The following GINS1 variants were observed in gnomAD, a reference collection of about 807,000 sequenced individuals.
GINS1 encodes the protein DNA replication complex GINS protein PSF1.
GINS1 carries 26 observed loss-of-function variants against 34.9 expected under a neutral mutation model. The observed-to-expected ratio is 0.74, with a 90% CI of 0.55 to 1.03. The LOEUF is 1.03. Ranked by LOEUF, GINS1 falls within the 50% of genes least tolerant of loss-of-function variation. GINS1 has a pLI of 0.00. For synonymous variants in GINS1, 97 were observed against 84.4 expected, an observed-to-expected ratio of 1.15 and a Z score of -0.82; for missense variants, 235 against 237.9, an observed-to-expected ratio of 0.99 and a Z score of 0.08.
intron 1 of GINS1, among the ~76,000 whole-genome samples, chr20:25,408,493 G>C (rs1205267839): frequency 6.6e-6 from 1 of 152,068 alleles, no homozygotes; most frequent in African/African-American, 2.4e-5. Context: ...ATGATTATTT[G>C]TATTTTTCTA....
intron 5 of GINS1, among the ~76,000 whole-genome samples, chr20:25,433,358 C>G (rs926128614): frequency 7.2e-5 from 11 of 151,950 alleles, no homozygotes; most frequent in Non-Finnish European, 1.2e-4. Flanking sequence ...CCTCATTACC[C>G]CCCACAGATA....
At chr20:25,426,121 T>G (rs2090389120) in intron 5 of GINS1, among the ~76,000 whole-genome samples, 1 of 151,038 alleles carries the variant, frequency 6.6e-6, no homozygotes, top group Non-Finnish European at 1.5e-5. Context: ...TCATATAGTA[T>G]TTGTCTTTTT....
intron 1 of GINS1, among the ~76,000 whole-genome samples, chr20:25,411,615 A>G (rs578152002): frequency 6.6e-6 from 1 of 152,174 alleles, no homozygotes; most frequent in Non-Finnish European, 1.5e-5. Context: ...TGTGGCCAAC[A>G]TGGCGAAACC....
Position 25,407,742 on chromosome 20 carries a change from T to C in GINS1, c.-79T>C. 9.3e-7 allele frequency: 1 copy of C among 1,079,518 alleles called. No homozygotes were observed. The highest frequency in any genetic ancestry group is 1.4e-6 in the Non-Finnish European group (1 of 705,322). 66.9% of individuals were successfully genotyped at this position (1,079,518 alleles called of 1,614,324 possible). A position where few individuals can be genotyped will look rare whatever the true frequency, so the allele number is the denominator to read the frequency against. ...CGCTGTAGGACTAGAACGAAAGGAG[T>C]GAGGCGCCGAGAGCCCAGATACCAT... is the stretch of plus-strand genomic sequence containing the variant. On this transcript the variant is annotated 5_prime_UTR_variant, in exon 1 of 7. Coordinates refer to ENST00000262460, the MANE Select transcript of GINS1 (RefSeq NM_021067.5).
intron 5 of GINS1, among the ~76,000 whole-genome samples, chr20:25,441,308 C>A (rs573597861): frequency 1.3e-5 from 2 of 152,270 alleles, no homozygotes; most frequent in Non-Finnish European, 2.9e-5. Context: ...TGCAGACTTA[C>A]CTGTGTCCCA....
chr20:25,416,397 A>T (rs951532364), intron 2 of GINS1, among the ~76,000 whole-genome samples: 6 of 152,154 alleles, frequency 3.9e-5, no homozygotes, highest in Non-Finnish European at 8.8e-5. Flanking sequence ...ACATGACAGG[A>T]TGGGACATGT....
At chr20:25,418,069 ATTC>A (rs758612947) in intron 3 of GINS1, 33 bp from the exon 4 acceptor site, 2 of 1,153,472 alleles carry the variant, frequency 1.7e-6, no homozygotes, top group Non-Finnish European at 2.6e-6. Flanking sequence ...TCCCCCGTTT[ATTC>A]TTATGCCACC....
chr20:25,431,808 G>GTGAT (rs2090428619), intron 5 of GINS1, among the ~76,000 whole-genome samples: 1 of 150,890 alleles, frequency 6.6e-6, no homozygotes, highest in Non-Finnish European at 1.5e-5. Flanking sequence ...CTTACCTCAA[G>GTGAT]TGATCCACCC....
At chr20:25,410,113 G>A (rs1288536854) in intron 1 of GINS1, among the ~76,000 whole-genome samples, 3 of 152,056 alleles carry the variant, frequency 2.0e-5, no homozygotes, top group East Asian at 1.9e-4. Context: ...AGGCTGAGGC[G>A]GGCGGATTAC....
chr20:25,433,681 G>T (rs187175677), intron 5 of GINS1, among the ~76,000 whole-genome samples: 1 of 152,188 alleles, frequency 6.6e-6, no homozygotes, highest in Non-Finnish European at 1.5e-5. Context: ...GTTAGTGATA[G>T]CTAGTACATT....
chr20:25,428,703 C>T (rs1416148167), intron 5 of GINS1, among the ~76,000 whole-genome samples: 2 of 151,920 alleles, frequency 1.3e-5, no homozygotes, highest in Non-Finnish European at 2.9e-5. Flanking sequence ...CGCACCCGGC[C>T]TCCAAGCATA....
chr20:25,419,007 G>A (rs1451623886), intron 4 of GINS1, among the ~76,000 whole-genome samples: 1 of 152,178 alleles, frequency 6.6e-6, no homozygotes. Flanking sequence ...CACCTGAGTA[G>A]CACATACTCT....
At chr20:25,413,740 A>G in intron 1 of GINS1, 50 bp from the exon 2 acceptor site, 3 of 1,040,884 alleles carry the variant, frequency 2.9e-6, no homozygotes, top group Non-Finnish European at 4.6e-6. Context: ...ATATTGCCAC[A>G]GAATTGGTGG....
At chr20:25,444,185 T>A (rs1293398201) in intron 6 of GINS1, among the ~76,000 whole-genome samples, 1 of 152,024 alleles carries the variant, frequency 6.6e-6, no homozygotes, top group African/African-American at 2.4e-5. Flanking sequence ...CTAATTTTTG[T>A]ATTTTTTTTA....
Position 25,441,685 on chromosome 20 carries a change from C to T in GINS1, c.448-17C>T. ...AAAAACTAATTTAGATAAAACATCT[C>T]TCATTTTTTCTTTCAGGTCCGGTGT... On this transcript the variant is annotated splice_polypyrimidine_tract_variant and intron_variant, in intron 5 of 6. Coordinates refer to ENST00000262460, the MANE Select transcript of GINS1 (RefSeq NM_021067.5). The T allele has an allele frequency of 2.2e-6, 3 of 1,343,518 alleles. No individual in the cohort carries two copies. Among genetic ancestry groups the T allele is most frequent in the Non-Finnish European group, 3.2e-6 (3 of 951,286 alleles). The allele number at this position is 1,343,518 out of a possible 1,614,324, so 83.2% of individuals were successfully genotyped here. A position where few individuals can be genotyped will look rare whatever the true frequency, so the allele number is the denominator to read the frequency against.
Position 25,407,769 on chromosome 20 carries a change from T to C in GINS1, c.-52T>C, listed in dbSNP as rs2090254916. On this transcript the variant is annotated 5_prime_UTR_variant, in exon 1 of 7. Coordinates refer to ENST00000262460, the MANE Select transcript of GINS1 (RefSeq NM_021067.5). ...AGGCGCCGAGAGCCCAGATACCATT[T>C]TGGCGTGAGAGCTGGTGGTTGGCAA... 1 of 1,399,340 alleles carries C rather than the reference T, an allele frequency of 7.1e-7. No homozygotes were observed. The highest frequency in any genetic ancestry group is 1.0e-6 in the Non-Finnish European group (1 of 985,494). The allele number at this position is 1,399,340 out of a possible 1,614,324, so 86.7% of individuals were successfully genotyped here.
chr20:25,428,702 C>G (rs573119823), intron 5 of GINS1, among the ~76,000 whole-genome samples: 1 of 152,026 alleles, frequency 6.6e-6, no homozygotes, highest in African/African-American at 2.4e-5. Context: ...CCGCACCCGG[C>G]CTCCAAGCAT....
At chr20:25,415,728 T>C (rs1024050585) in intron 2 of GINS1, among the ~76,000 whole-genome samples, 1 of 150,352 alleles carries the variant, frequency 6.7e-6, no homozygotes, top group African/African-American at 2.4e-5. Context: ...TGGCGCTCAC[T>C]GTCTAGTGCA....
chr20:25,432,823 A>G (rs1434571735), intron 5 of GINS1, among the ~76,000 whole-genome samples: 1 of 149,058 alleles, frequency 6.7e-6, no homozygotes, highest in East Asian at 1.9e-4. Flanking sequence ...TGTATTATAT[A>G]TTTATCATAT....
Sources: allele counts gnomAD v4.1 joint callset (sites outside exome capture counted in the v4.1 genomes callset), GRCh38; gene constraint gnomAD v4.1.1; transcripts MANE v1.5; gene names NCBI Gene and HGNC (gene_info 2026-07-23, HGNC 2026-07-21).